Variants in RAPGEF1 observed in about 807,000 individuals in gnomAD.
RAPGEF1 encodes Rap guanine nucleotide exchange factor 1.
RAPGEF1 carries 33 observed loss-of-function variants against 143.3 expected under a neutral mutation model. The ratio of observed to expected loss-of-function variants is 0.23; its 90% confidence interval spans 0.17 to 0.31. The LOEUF (loss-of-function observed/expected upper bound fraction) is 0.31, where lower values mean the gene tolerates loss of function less well. Among genes scored for constraint, RAPGEF1 ranks in the 10% least tolerant of loss-of-function variants. The pLI, the probability that RAPGEF1 is intolerant of heterozygous loss-of-function variation, is 1.00. For missense variants in RAPGEF1, 1,199 were observed against 1,645.4 expected (o/e 0.73, Z 4.69); for synonymous variants, 629 against 676.5 (o/e 0.93, Z 1.09).
At chr9:131,590,192 G>A (rs1485768840) in intron 18 of RAPGEF1, among the ~76,000 whole-genome samples, 2 of 152,116 alleles carry the variant, frequency 1.3e-5, no homozygotes, top group South Asian at 2.1e-4. Context: ...GGATGCCCCC[G>A]GCTGCTGCCC....
chr9:131,672,418 G>A (rs1425540240), intron 1 of RAPGEF1, among the ~76,000 whole-genome samples: 3 of 152,232 alleles, frequency 2.0e-5, no homozygotes, highest in Non-Finnish European at 4.4e-5. Flanking sequence ...AGTGTCACAT[G>A]GGAGGGGGTC....
chr9:131,626,975 T>G (rs1474664148), intron 9 of RAPGEF1, among the ~76,000 whole-genome samples: 2 of 115,342 alleles, frequency 1.7e-5, no homozygotes, highest in Admixed American at 1.8e-4. Context: ...CTGGCCCACT[T>G]TGGGAGGCTG....
At chr9:131,625,194 G>A (rs539311628) in intron 10 of RAPGEF1, among the ~76,000 whole-genome samples, 4 of 152,350 alleles carry the variant, frequency 2.6e-5, no homozygotes, top group East Asian at 3.9e-4. Flanking sequence ...CAAGAAAATC[G>A]AAGCAGAACT....
In RAPGEF1 at chr9:131,667,048, G is replaced by A. The variant is rs1189875802; in HGVS notation, c.62-16099C>T. Among the ~76,000 whole-genome samples, 1 of 152,054 alleles carries A rather than the reference G, an allele frequency of 6.6e-6. No homozygotes were observed. Among genetic ancestry groups the A allele is most frequent in the East Asian group, 1.9e-4 (1 of 5,162 alleles). On this transcript the variant is annotated intron_variant, in intron 1 of 26. Coordinates refer to ENST00000683357, the MANE Select transcript of RAPGEF1 (RefSeq NM_001377935.1). The surrounding 1 kb of genome is among the most constrained non-coding windows in gnomAD (Gnocchi z 4.6). ...CTCTGTCACCCAGGCGGAGTGCAGT[G>A]GCACGAACTCGGCTCACTGCCATCT...
intron 17 of RAPGEF1, 99 bp downstream of exon 17, chr9:131,596,199 A>G (rs1301787041): frequency 1.8e-6 from 2 of 1,140,668 alleles, no homozygotes; most frequent in Admixed American, 1.9e-5. Context: ...AGACCTGCTC[A>G]GGGCTGTGGC....
intron 3 of RAPGEF1, among the ~76,000 whole-genome samples, chr9:131,646,993 A>G (rs561637794): frequency 1.3e-5 from 2 of 152,232 alleles, no homozygotes; most frequent in African/African-American, 4.8e-5. Flanking sequence ...CTCGGATCCA[A>G]TCTCTGTCCA....
chr9:131,739,947 CCCTGCGCTCGG>C lies in RAPGEF1; in HGVS notation c.-128_-118del. On this transcript the variant is annotated 5_prime_UTR_variant, in exon 1 of 27. Coordinates refer to ENST00000683357, the MANE Select transcript of RAPGEF1 (RefSeq NM_001377935.1). ...CATGGCGGGCTCCGCGCGGCCGCGGCCCTGCGCTCGGCGACCGCGCTCCAGCCCGCCCGGGC... is the reference window on the plus strand; with the variant it reads ...CATGGCGGGCTCCGCGCGGCCGCGGCCGACCGCGCTCCAGCCCGCCCGGGC... 1 of 559,550 alleles carries C rather than the reference CCCTGCGCTCGG, an allele frequency of 1.8e-6. No individual in the cohort carries two copies. The highest frequency in any genetic ancestry group is 2.3e-6 in the Non-Finnish European group (1 of 444,074). 34.7% of individuals were successfully genotyped at this position (559,550 alleles called of 1,614,324 possible). A position where few individuals can be genotyped will look rare whatever the true frequency, so the allele number is the denominator to read the frequency against.
intron 3 of RAPGEF1, among the ~76,000 whole-genome samples, chr9:131,649,140 C>T (rs1319145180): frequency 6.6e-6 from 1 of 150,922 alleles, no homozygotes; most frequent in African/African-American, 2.4e-5. Flanking sequence ...TCAAGTGATT[C>T]TCCTGCCTCA....
rs964920355 is a variant in RAPGEF1, at chr9:131,579,415, C to T, written c.*82G>A. The T allele has an allele frequency of 6.5e-6, 10 of 1,528,336 alleles. No individual in the cohort carries two copies. Among genetic ancestry groups the T allele is most frequent in the African/African-American group, 2.8e-5 (2 of 72,304 alleles). 94.7% of individuals were successfully genotyped at this position (1,528,336 alleles called of 1,614,324 possible). ...CCGAGGCCGGGACTCCTGCCATGCGCCTAACAGGTCCAAGGTCCTCTCCGG... is the reference window on the plus strand; with the variant it reads ...CCGAGGCCGGGACTCCTGCCATGCGTCTAACAGGTCCAAGGTCCTCTCCGG... On this transcript the variant is annotated 3_prime_UTR_variant, in exon 27 of 27. Coordinates refer to ENST00000683357, the MANE Select transcript of RAPGEF1 (RefSeq NM_001377935.1).
intron 1 of RAPGEF1, among the ~76,000 whole-genome samples, chr9:131,703,584 T>C (rs532990644): frequency 1.3e-3 from 194 of 152,236 alleles, no homozygotes; most frequent in African/African-American, 4.5e-3. Context: ...AGAAATTAAG[T>C]AACTTGCTGA....
At position 131,600,714 on chromosome 9, in the gene RAPGEF1, A is replaced by G. The variant is rs143882197; in HGVS notation, c.2501+1347T>C. On this transcript the variant is annotated intron_variant, in intron 15 of 26. Transcript: ENST00000683357. ...AAGGAGGGAGGAAAAGCTTGAACACATGGAACATTTCATAGAGAAGGGGAA... is the reference window on the plus strand; with the variant it reads ...AAGGAGGGAGGAAAAGCTTGAACACGTGGAACATTTCATAGAGAAGGGGAA... Among the ~76,000 whole-genome samples, 3 of 152,324 alleles carry G rather than the reference A, an allele frequency of 2.0e-5. No individual in the cohort carries two copies. The East Asian group carries it at 5.8e-4, about 29-fold the overall frequency.
chr9:131,643,243 G>A lies in RAPGEF1; in HGVS notation c.490C>T (p.His164Tyr), dbSNP rs1968578612. Residue 164 changes from histidine to tyrosine, a missense_variant, in exon 4 of 27, where the codon CAC becomes TAC. By Grantham distance (83) the His-to-Tyr change is moderately conservative (BLOSUM62 2). This residue lies in a region of RAPGEF1 where 613 missense variants were observed against 710.9 expected (regional missense o/e 0.86). Coordinates refer to ENST00000683357, the MANE Select transcript of RAPGEF1 (RefSeq NM_001377935.1). The part of the protein sequence containing the change: ...PLVQNDPRIQ[H>Y]SSALSSCYSR... Reference sequence around the variant, plus strand: ...AAAGACTTCAGAGCCACTCACCTGTGCTGAATTCGAGGATCGTTCTGCACC... The same window carrying A: ...AAAGACTTCAGAGCCACTCACCTGTACTGAATTCGAGGATCGTTCTGCACC... The A allele has an allele frequency of 6.2e-7, 1 of 1,610,250 alleles. No homozygotes were observed. The highest frequency in any genetic ancestry group is 8.5e-7 in the Non-Finnish European group (1 of 1,178,844).
chr9:131,687,577 C>G (rs968087365), intron 1 of RAPGEF1, among the ~76,000 whole-genome samples: 4 of 152,148 alleles, frequency 2.6e-5, no homozygotes, highest in African/African-American at 9.7e-5. Flanking sequence ...GTTTAAAATG[C>G]CTCAAGAGTA....
chr9:131,619,481 G>T (rs1281994464), intron 11 of RAPGEF1, among the ~76,000 whole-genome samples: 1 of 152,206 alleles, frequency 6.6e-6, no homozygotes, highest in African/African-American at 2.4e-5. Flanking sequence ...GGGGGCTGGA[G>T]CCACACAGAA....
rs368515604 is a variant in RAPGEF1 at position 131,650,888 on chromosome 9, G to C, written c.123C>G (p.Pro41=). 2.0e-5 allele frequency: 32 copies of C among 1,613,874 alleles called. No individual in the cohort carries two copies. The highest frequency in any genetic ancestry group is 5.5e-5 in the South Asian group (5 of 91,086). ...TMKLMDKFHS[P]KIKRTPSKKG... Reference sequence around the variant, plus strand: ...TCTTTGATGGCGTTCTCTTGATTTTGGGTGAGTGGAATTTGTCCATCAGCT... The same window carrying C: ...TCTTTGATGGCGTTCTCTTGATTTTCGGTGAGTGGAATTTGTCCATCAGCT... Residue 41 remains proline, a synonymous_variant, in exon 2 of 27, where the codon CCC becomes CCG. Coordinates refer to ENST00000683357, the MANE Select transcript of RAPGEF1 (RefSeq NM_001377935.1). This position sits in a 1 kb window ranked among gnomAD's most constrained non-coding sequence, Gnocchi z 4.7.
At chr9:131,599,132 T>A (rs1318205126) in intron 15 of RAPGEF1, among the ~76,000 whole-genome samples, 1 of 54,752 alleles carries the variant, frequency 1.8e-5, no homozygotes, top group Non-Finnish European at 4.5e-5. Context: ...CACTTATTTG[T>A]TTTTTTTTTT....
At chr9:131,593,907 G>A (rs879890412) in intron 17 of RAPGEF1, among the ~76,000 whole-genome samples, 6 of 152,234 alleles carry the variant, frequency 3.9e-5, no homozygotes, top group Non-Finnish European at 4.4e-5. Context: ...TGGCCTTTGC[G>A]GGTGCATCAT....
In RAPGEF1 at chr9:131,596,311, C is replaced by T. The variant is rs1226849930; in HGVS notation, c.2676G>A (p.Glu892=). ...CTGACACCCTACCTTTCCTGTCAGT[C>T]TCAGTAGCATGGACCAGTAAGATGT... The part of the protein sequence containing the change: ...SGDILLVHAT[E]TDRKDLVLYC... Residue 892 remains glutamate, a synonymous_variant, in exon 17 of 27, where the codon GAG becomes GAA. Coordinates refer to ENST00000683357, the MANE Select transcript of RAPGEF1 (RefSeq NM_001377935.1). The T allele has an allele frequency of 6.2e-7, 1 of 1,613,856 alleles. No individual in the cohort carries two copies. Among genetic ancestry groups the T allele is most frequent in the Non-Finnish European group, 8.5e-7 (1 of 1,179,888 alleles).
At chr9:131,672,231 C>T (rs985577573) in intron 1 of RAPGEF1, among the ~76,000 whole-genome samples, 7 of 152,124 alleles carry the variant, frequency 4.6e-5, no homozygotes, top group Non-Finnish European at 7.4e-5. Flanking sequence ...TTTTTGACCC[C>T]GGTAAGAAAC....
Sources: allele counts gnomAD v4.1 joint callset (sites outside exome capture counted in the v4.1 genomes callset), GRCh38; gene constraint gnomAD v4.1.1; regional missense constraint gnomAD v4.1.1; non-coding constraint Gnocchi (gnomAD v3.1); transcripts MANE v1.5; gene names NCBI Gene and HGNC (gene_info 2026-07-23, HGNC 2026-07-21).